Variants in RGS5 observed in about 807,000 individuals in gnomAD.
The protein encoded by RGS5 is regulator of G protein signaling 5.
A neutral mutation model predicts 18.9 loss-of-function variants in RGS5; 20 were observed. That is an observed-to-expected ratio of 1.06 (90% confidence interval 0.74 to 1.54). The LOEUF (loss-of-function observed/expected upper bound fraction) is 1.54, where lower values mean the gene tolerates loss of function less well. Among genes scored for constraint, RGS5 ranks in the 40% most tolerant of loss-of-function variants. RGS5 has a pLI of 0.00. For missense variants in RGS5, 201 were observed against 211.8 expected (o/e 0.95, Z 0.32); for synonymous variants, 57 against 76.2 (o/e 0.75, Z 1.31).
chr1:163,150,134 T>C (rs1657314345), intron 4 of RGS5, among the ~76,000 whole-genome samples: 1 of 152,200 alleles, frequency 6.6e-6, no homozygotes, highest in Non-Finnish European at 1.5e-5. Context: ...GGGATGCCTG[T>C]ATTTGGGTCT....
chr1:163,177,736 G>T (rs1371969096), intron 1 of RGS5, among the ~76,000 whole-genome samples: 3 of 152,146 alleles, frequency 2.0e-5, no homozygotes, highest in Non-Finnish European at 4.4e-5. Flanking sequence ...AACTCTTAAA[G>T]ATAATAATAA....
chr1:163,250,027 C>T (rs928389411), intron 2 of RGS5, among the ~76,000 whole-genome samples: 15 of 152,134 alleles, frequency 9.9e-5, no homozygotes, highest in South Asian at 6.2e-4. Context: ...CTAATATGGG[C>T]TTGAGGCTGG....
intron 3 of RGS5, among the ~76,000 whole-genome samples, chr1:163,155,991 A>G (rs1657564686): frequency 6.6e-6 from 1 of 152,194 alleles, no homozygotes; most frequent in South Asian, 2.1e-4. Flanking sequence ...CCTACCTAAG[A>G]ACAAGATGAA....
At chr1:163,247,589 T>C (rs563813924) in intron 2 of RGS5, among the ~76,000 whole-genome samples, 23 of 151,060 alleles carry the variant, frequency 1.5e-4, no homozygotes, top group African/African-American at 5.6e-4. Context: ...GATTTATATA[T>C]ATATATATAT....
chr1:163,208,289 A>G (rs1238306308), intron 1 of RGS5, among the ~76,000 whole-genome samples: 1 of 125,486 alleles, frequency 8.0e-6, no homozygotes, highest in Admixed American at 1.0e-4. Context: ...CGGAGCTTGC[A>G]GTGAGCCGAG....
At chr1:163,153,592 G>A (rs6664123) in intron 3 of RGS5, among the ~76,000 whole-genome samples, 44,564 of 151,536 alleles carry the variant, frequency 0.29, 7,483 homozygotes, top group East Asian at 0.46. Flanking sequence ...AATTGCTCAT[G>A]TAGGATAAAC....
At chr1:163,165,263 G>T (rs902457211) in intron 2 of RGS5, among the ~76,000 whole-genome samples, 2 of 152,174 alleles carry the variant, frequency 1.3e-5, no homozygotes, top group Admixed American at 1.3e-4. Context: ...ATGTGTGGAG[G>T]TCATTCTTTA....
chr1:163,226,257 T>G (rs1364281162), intron 2 of RGS5, among the ~76,000 whole-genome samples: 2 of 152,154 alleles, frequency 1.3e-5, no homozygotes, highest in Non-Finnish European at 2.9e-5. Context: ...GAGAAAGGAT[T>G]TAATACGAAA....
At chr1:163,202,954 T>C (rs182804988), upstream of RGS5, 391 of 890,662 alleles carry the variant, frequency 4.4e-4, no homozygotes, top group African/African-American at 3.1e-3. Context: ...TAGAAGCTCT[T>C]TCCCAGCCCT....
upstream of RGS5, among the ~76,000 whole-genome samples, chr1:163,222,179 C>T (rs1463710234): frequency 6.6e-6 from 1 of 152,126 alleles, no homozygotes; most frequent in Non-Finnish European, 1.5e-5. Flanking sequence ...CTGTTAGGAA[C>T]CAGGCCACAG....
chr1:163,154,731 C>T (rs1571213803), intron 3 of RGS5, among the ~76,000 whole-genome samples: 1 of 151,680 alleles, frequency 6.6e-6, no homozygotes, highest in East Asian at 1.9e-4. Flanking sequence ...AACTTAGTGA[C>T]ACGAGAGTTA....
chr1:163,203,519 T>A (rs114521284), upstream of RGS5, among the ~76,000 whole-genome samples: 1 of 152,202 alleles, frequency 6.6e-6, no homozygotes, highest in African/African-American at 2.4e-5. Flanking sequence ...CAAGGTTTTC[T>A]GGAGCTGAGA....
At chr1:163,290,504 TTAGAG>T (rs1183007815) in intron 2 of RGS5, among the ~76,000 whole-genome samples, 3 of 152,210 alleles carry the variant, frequency 2.0e-5, no homozygotes, top group Non-Finnish European at 4.4e-5. Flanking sequence ...AGAAGTTTCT[TTAGAG>T]TAATCTAATT....
chr1:163,274,331 A>C (rs1014551595), intron 2 of RGS5, among the ~76,000 whole-genome samples: 2 of 124,020 alleles, frequency 1.6e-5, no homozygotes, highest in Admixed American at 1.5e-4. Flanking sequence ...GAATCTATAA[A>C]ACTCTTGAGC....
rs1376723966 is a variant in RGS5 at position 163,143,582 on chromosome 1, T to C, written c.*3760A>G. ...AACCAAGCTGAGCTGCTCTTAAATA[T>C]TTGTAGCAAAGGGATTACGTTCATA... On this transcript the variant is annotated 3_prime_UTR_variant, in exon 5 of 5. Transcript: ENST00000313961. The C allele has an allele frequency of 2.0e-5, 3 of 152,202 alleles. No individual in the cohort carries two copies. Among genetic ancestry groups the C allele is most frequent in the Admixed American group, 1.3e-4 (2 of 15,268 alleles). 9.4% of individuals were successfully genotyped at this position (152,202 alleles called of 1,614,324 possible). A position where few individuals can be genotyped will look rare whatever the true frequency, so the allele number is the denominator to read the frequency against.
chr1:163,292,063 T>C (rs1052402031), intron 2 of RGS5, among the ~76,000 whole-genome samples: 1 of 152,170 alleles, frequency 6.6e-6, no homozygotes, highest in South Asian at 2.1e-4. Flanking sequence ...GCAGCCTTGT[T>C]ACACAGGTAA....
intron 1 of RGS5, chr1:163,318,964 G>A (rs1236933782): frequency 6.6e-6 from 1 of 152,188 alleles, no homozygotes; most frequent in Non-Finnish European, 1.5e-5. Context: ...GATTGTGTGT[G>A]GCCCCTATGG....
rs1027539482 is a variant in RGS5 at position 163,320,501 on chromosome 1, G to A, written c.-378+1121C>T. 2.6e-5 allele frequency among the ~76,000 whole-genome samples: 4 copies of A among 152,120 alleles called. No homozygotes were observed. In the East Asian group the frequency reaches 5.8e-4, roughly 22 times the overall value. On this transcript the variant is annotated intron_variant, in intron 1 of 5. Transcript: ENST00000618415. ...GATTTCAATCCAACTCCCTTTGACC[G>A]TAGAGATGTGCTCTCAGTCACTACG...
chr1:163,299,408 T>C (rs765862887), intron 2 of RGS5, among the ~76,000 whole-genome samples: 47 of 152,202 alleles, frequency 3.1e-4, no homozygotes, highest in Non-Finnish European at 5.6e-4. Flanking sequence ...AGGGAGTCCA[T>C]TGAAGACAAA....
Sources: gnomAD v4.1 joint callset for allele counts (sites outside exome capture counted in the v4.1 genomes callset) on GRCh38, gnomAD v4.1.1 for gene constraint, MANE v1.5 for transcripts, NCBI Gene and HGNC (gene_info 2026-07-23, HGNC 2026-07-21) for gene names.